Variants in KAZN observed in about 807,000 individuals in gnomAD.
KAZN encodes the protein kazrin.
Under a neutral mutation model 87.4 loss-of-function variants are expected in KAZN, and 40 were observed. The observed-to-expected ratio is 0.46, with a 90% confidence interval of 0.36 to 0.60. The LOEUF is 0.60. Ranked by LOEUF, KAZN falls within the 20% of genes least tolerant of loss-of-function variation. The probability of loss-of-function intolerance (pLI) is 0.00; values close to 1 mark genes in which losing one functional copy is unlikely to be tolerated. For missense variants in KAZN, 898 were observed against 1,073.9 expected (o/e 0.84, Z 2.29); for synonymous variants, 466 against 458.3 (o/e 1.02, Z -0.22).
intron 2 of KAZN, among the ~76,000 whole-genome samples, chr1:14,256,895 A>T (rs991412743): frequency 2.0e-5 from 3 of 152,150 alleles, no homozygotes; most frequent in Non-Finnish European, 4.4e-5. Context: ...GGCATCGATG[A>T]TGCGTTCTAT....
At chr1:15,110,217 GTGTGTT>G (rs1344997843) in intron 13 of KAZN, among the ~76,000 whole-genome samples, 1 of 140,854 alleles carries the variant, frequency 7.1e-6, no homozygotes, top group Non-Finnish European at 1.6e-5. Flanking sequence ...TGGTGTTTGT[GTGTGTT>G]TGTGTATGTG....
At chr1:14,692,090 G>A in intron 1 of KAZN, 1 of 300,876 alleles carries the variant, frequency 3.3e-6, no homozygotes, top group Non-Finnish European at 6.5e-6. Context: ...TGGGCCCCAG[G>A]ATTTAATGCA....
At position 14,329,045 on chromosome 1, in the gene KAZN, GAACA is replaced by G. The variant is rs1184106164; in HGVS notation, c.249+148459_249+148462del. Among the ~76,000 whole-genome samples the G allele has an allele frequency of 3.0e-4, 45 of 152,290 alleles. 1 individual carries two copies. Among genetic ancestry groups the G allele is most frequent in the Middle Eastern group, 6.8e-3 (2 of 294 alleles). The stretch of plus-strand genomic sequence containing the variant: ...AAAGACAAATTTTAATGATTCAGGT[GAACA>G]AACAATTTAAGTGTATTACCAGTTT... On this transcript the variant is annotated intron_variant, in intron 2 of 16. Coordinates refer to the KAZN transcript ENST00000636203.
intron 1 of KAZN, among the ~76,000 whole-genome samples, chr1:14,651,588 G>A (rs1301715310): frequency 6.6e-6 from 1 of 152,128 alleles, no homozygotes; most frequent in East Asian, 1.9e-4. Context: ...GGAATCACCT[G>A]GTACAAAACC....
intron 1 of KAZN, among the ~76,000 whole-genome samples, chr1:14,634,427 T>A (rs1679812144): frequency 6.6e-6 from 1 of 152,226 alleles, no homozygotes; most frequent in Admixed American, 6.5e-5. Context: ...GGAGGTTGTG[T>A]AAATATCCAG....
chr1:14,346,164 C>A (rs74057190), intron 2 of KAZN, among the ~76,000 whole-genome samples: 17,016 of 152,140 alleles, frequency 0.11, 1,861 homozygotes, highest in African/African-American at 0.29. Flanking sequence ...CCTAGCTGGG[C>A]TGAATTCCTG....
At chr1:14,005,018 C>T (rs1034807858) in intron 1 of KAZN, among the ~76,000 whole-genome samples, 4 of 151,790 alleles carry the variant, frequency 2.6e-5, no homozygotes, top group Admixed American at 1.3e-4. Context: ...GATGCACTCC[C>T]TCCGCTTTAG....
chr1:14,533,880 T>A (rs1672341864), intron 2 of KAZN, among the ~76,000 whole-genome samples: 1 of 152,166 alleles, frequency 6.6e-6, no homozygotes, highest in Admixed American at 6.5e-5. Flanking sequence ...CATACAAGAG[T>A]CAGGGTTATA....
chr1:14,646,838 G>C (rs1006709984), intron 1 of KAZN, among the ~76,000 whole-genome samples: 1 of 152,116 alleles, frequency 6.6e-6, no homozygotes, highest in Non-Finnish European at 1.5e-5. Context: ...TTTGCTTTCT[G>C]TCTCTCTCCC....
At chr1:14,174,368 T>C (rs531441435) in intron 1 of KAZN, among the ~76,000 whole-genome samples, 1 of 152,180 alleles carries the variant, frequency 6.6e-6, no homozygotes, top group Admixed American at 6.5e-5. Flanking sequence ...AACGTGATGT[T>C]GCTCAGTAGC....
In KAZN at chr1:14,388,185, C is replaced by T. The variant is rs531344463; in HGVS notation, c.249+207593C>T. Among the ~76,000 whole-genome samples, 1,029 of 152,252 alleles carry T rather than the reference C, an allele frequency of 6.8e-3. 5 individuals are homozygous for T. The highest frequency in any genetic ancestry group is 0.012 in the Non-Finnish European group (787 of 68,002). ...GCCCTGCTTCGGCTGGCACACGGTGCGAGCACCCCCTGACCTGCGCCCACT... is the reference window on the plus strand; with the variant it reads ...GCCCTGCTTCGGCTGGCACACGGTGTGAGCACCCCCTGACCTGCGCCCACT... On this transcript the variant is annotated intron_variant, in intron 2 of 16. Transcript: ENST00000636203.
At chr1:13,961,107 C>A (rs1199600869) in intron 1 of KAZN, among the ~76,000 whole-genome samples, 1 of 152,144 alleles carries the variant, frequency 6.6e-6, no homozygotes, top group Non-Finnish European at 1.5e-5. Flanking sequence ...TTTTTCCCAC[C>A]TCCCTTTTCC....
intron 8 of KAZN, among the ~76,000 whole-genome samples, chr1:15,073,002 T>C (rs1639581092): frequency 6.6e-6 from 1 of 152,184 alleles, no homozygotes; most frequent in Admixed American, 6.5e-5. Flanking sequence ...CTGTGTTCCA[T>C]GGAACCCCGA....
chr1:15,060,600 C>T (rs1418291355), intron 6 of KAZN: 6 of 395,008 alleles, frequency 1.5e-5, no homozygotes, highest in African/African-American at 2.0e-5. Flanking sequence ...TGTCTGGGAC[C>T]GTGGGCTTCT....
rs183838904 is a variant in KAZN at position 14,898,313 on chromosome 1, T to C, written c.227-62371T>C. Among the ~76,000 whole-genome samples, 15 of 152,250 alleles carry C rather than the reference T, an allele frequency of 9.9e-5. No homozygotes were observed. The East Asian group carries it at 2.7e-3, about 27-fold the overall frequency. ...GGGCAGTGTTCAACAGAGGGGAAGA[T>C]GAAACAGAACTGTCAAACTCTGGAA... On this transcript the variant is annotated intron_variant, in intron 1 of 14. Coordinates refer to ENST00000376030, the MANE Select transcript of KAZN (RefSeq NM_201628.3).
intron 2 of KAZN, among the ~76,000 whole-genome samples, chr1:14,992,361 T>G (rs1196462160): frequency 6.6e-6 from 1 of 152,068 alleles, no homozygotes; most frequent in Admixed American, 6.5e-5. Flanking sequence ...CAGGGTCAGG[T>G]CCCTCACCCC....
chr1:14,686,832 C>T (rs1260231832), intron 1 of KAZN, among the ~76,000 whole-genome samples: 5 of 152,234 alleles, frequency 3.3e-5, no homozygotes, highest in African/African-American at 1.2e-4. Flanking sequence ...AGCCCTGAGT[C>T]CCTGGGCCTA....
rs368916763 is a variant in KAZN, at chr1:15,044,057, G to C, written c.624G>C (p.Leu208=). 1.6e-5 allele frequency: 26 copies of C among 1,612,764 alleles called. No homozygotes were observed. The highest frequency in any genetic ancestry group is 2.1e-5 in the Non-Finnish European group (25 of 1,179,840). ...KDLLEREKWE[L]RRQAKEATDH... The stretch of plus-strand genomic sequence containing the variant: ...TGCTGGAGCGTGAGAAGTGGGAGCT[G>C]CGGCGCCAAGCCAAGGAGGCCACAG... Residue 208 remains leucine (L), a synonymous_variant, in exon 4 of 15, where the codon CTG becomes CTC. Coordinates refer to ENST00000376030, the MANE Select transcript of KAZN (RefSeq NM_201628.3).
intron 1 of KAZN, among the ~76,000 whole-genome samples, chr1:14,149,246 C>T (rs561683605): frequency 1.9e-4 from 28 of 150,560 alleles, no homozygotes; most frequent in Non-Finnish European, 4.0e-4. Context: ...GGACTACAGG[C>T]GTGTGCCACC....
Sources: allele counts gnomAD v4.1 joint callset (sites outside exome capture counted in the v4.1 genomes callset), GRCh38; gene constraint gnomAD v4.1.1; transcripts MANE v1.5; gene names NCBI Gene and HGNC (gene_info 2026-07-23, HGNC 2026-07-21).